DOCK5: variants seen among roughly 807,000 people sequenced by gnomAD.
DOCK5 encodes dedicator of cytokinesis 5.
In DOCK5, 142 loss-of-function variants were observed where a neutral mutation model predicts 251.8. The ratio of observed to expected loss-of-function variants is 0.56; its 90% CI spans 0.49 to 0.65. DOCK5 has a LOEUF of 0.65. Among genes scored for constraint, DOCK5 ranks in the 30% least tolerant of loss-of-function variants. The pLI is 0.00. For missense variants in DOCK5, 2,111 were observed against 2,312.3 expected, an observed-to-expected ratio of 0.91 and a Z score of 1.79; for synonymous variants, 842 against 835.5, an observed-to-expected ratio of 1.01 and a Z score of -0.13.
rs562408564 is a variant in DOCK5, at chr8:25,325,258, G to A, written c.1720-106G>A. 770 of 1,205,564 alleles carry A rather than the reference G, an allele frequency of 6.4e-4. 10 individuals are homozygous for A. The South Asian group carries it at 0.011, about 16-fold the overall frequency. 74.7% of individuals were successfully genotyped at this position (1,205,564 alleles called of 1,614,324 possible). A position where few individuals can be genotyped will look rare whatever the true frequency, so the allele number is the denominator to read the frequency against. On this transcript the variant is annotated intron_variant, in intron 17 of 51. Transcript: ENST00000276440. ...GTGGAAGGGATCTTCAGGATAAATTGATAAGTCCACGCTTCTCATGCTGAA... is the reference window on the plus strand; with the variant it reads ...GTGGAAGGGATCTTCAGGATAAATTAATAAGTCCACGCTTCTCATGCTGAA...
At chr8:25,383,631 G>T (rs1379596487) in intron 40 of DOCK5, among the ~76,000 whole-genome samples, 1 of 152,166 alleles carries the variant, frequency 6.6e-6, no homozygotes, top group East Asian at 1.9e-4. Flanking sequence ...GAGGCAGGCA[G>T]ATCACTTGAC....
chr8:25,408,709 A>G, intron 49 of DOCK5, 93 bp from the exon 50 acceptor site: 1 of 1,482,412 alleles, frequency 6.7e-7, no homozygotes, highest in Non-Finnish European at 9.2e-7. Context: ...GTCCTTTTCC[A>G]AGTGTCTTCT....
rs560592195 is a variant in DOCK5, at chr8:25,230,438, C to T, written c.44-13236C>T. Among the ~76,000 whole-genome samples, 168 of 152,298 alleles carry T rather than the reference C, an allele frequency of 1.1e-3. 1 individual carries two copies. The highest frequency in any genetic ancestry group is 3.7e-3 in the African/African-American group (154 of 41,566). Reference sequence around the variant, plus strand: ...ATACCTATATGTAGGTTTGTGTTAACGTGCCATCAATTATGTAAACAGGTT... The same window carrying T: ...ATACCTATATGTAGGTTTGTGTTAATGTGCCATCAATTATGTAAACAGGTT... On this transcript the variant is annotated intron_variant, in intron 1 of 51. Transcript: ENST00000276440.
chr8:25,283,864 C>T, intron 5 of DOCK5, among the ~76,000 whole-genome samples: 1 of 152,014 alleles, frequency 6.6e-6, no homozygotes, highest in East Asian at 1.9e-4. Flanking sequence ...ATGGTCTTTC[C>T]CTATACTGCT....
intron 5 of DOCK5, among the ~76,000 whole-genome samples, chr8:25,288,555 C>T (rs572636256): frequency 2.0e-5 from 3 of 152,210 alleles, no homozygotes; most frequent in Non-Finnish European, 4.4e-5. Flanking sequence ...AAACAAAGCA[C>T]TGTGTCACAC....
rs1389237883 is a variant in DOCK5, at chr8:25,389,037, T to C, written c.4132-54T>C. The C allele has an allele frequency of 3.8e-6, 6 of 1,577,340 alleles. No homozygotes were observed. In the Admixed American group the frequency reaches 1.0e-4, roughly 27 times the overall value. Reference sequence around the variant, plus strand: ...GCTACCTCAGTACCCGGAACTCCAGTTGCCTCTCCACTCTTCCTATGTAAT... The same window carrying C: ...GCTACCTCAGTACCCGGAACTCCAGCTGCCTCTCCACTCTTCCTATGTAAT... On this transcript the variant is annotated intron_variant, in intron 40 of 51. Transcript: ENST00000276440.
rs547499147 is a variant in DOCK5 at position 25,220,981 on chromosome 8, G to T, written c.44-22693G>T. Among the ~76,000 whole-genome samples the T allele has an allele frequency of 5.9e-5, 9 of 152,224 alleles. No homozygotes were observed. The East Asian group carries it at 1.7e-3, about 30-fold the overall frequency. ...GAAGGGATTGTTATCTGGACCTGTG[G>T]AGGGGGTGGGTAGGGATGGTGGTTA... On this transcript the variant is annotated intron_variant, in intron 1 of 51. Transcript: ENST00000276440.
intron 25 of DOCK5, among the ~76,000 whole-genome samples, chr8:25,345,154 C>A (rs981062396): frequency 8.6e-5 from 13 of 151,922 alleles, no homozygotes; most frequent in African/African-American, 2.9e-4. Context: ...TCATATGACC[C>A]TCAATTTCGT....
intron 16 of DOCK5, among the ~76,000 whole-genome samples, chr8:25,321,369 G>A (rs969902630): frequency 2.6e-5 from 4 of 152,208 alleles, no homozygotes; most frequent in Non-Finnish European, 5.9e-5. Context: ...GGGGTGGGGT[G>A]ATGGTTTCAG....
intron 35 of DOCK5, among the ~76,000 whole-genome samples, chr8:25,373,146 C>T (rs904152562): frequency 4.6e-5 from 7 of 151,780 alleles, no homozygotes; most frequent in East Asian, 3.9e-4. Context: ...ATTACAGGCA[C>T]GCGCCACCAT....
intron 1 of DOCK5, among the ~76,000 whole-genome samples, chr8:25,222,999 T>C (rs1802432904): frequency 6.6e-6 from 1 of 152,112 alleles, no homozygotes; most frequent in Non-Finnish European, 1.5e-5. Context: ...CCATGGAAAG[T>C]CCTGGAACCG....
chr8:25,349,544 T>A (rs1355718255), intron 26 of DOCK5, among the ~76,000 whole-genome samples: 1 of 152,208 alleles, frequency 6.6e-6, no homozygotes, highest in East Asian at 1.9e-4. Context: ...AATGAGTGGA[T>A]AAAGTGTGGT....
At chr8:25,260,295 C>T (rs1483351191) in intron 2 of DOCK5, among the ~76,000 whole-genome samples, 1 of 152,130 alleles carries the variant, frequency 6.6e-6, no homozygotes, top group Non-Finnish European at 1.5e-5. Context: ...ACCAGACCAG[C>T]AACACTTAAA....
chr8:25,387,597 T>C (rs1801187103), intron 40 of DOCK5, among the ~76,000 whole-genome samples: 1 of 152,230 alleles, frequency 6.6e-6, no homozygotes, highest in African/African-American at 2.4e-5. Context: ...TCTTTCATCA[T>C]GCATCTCCTG....
At chr8:25,311,116 A>G (rs979354940) in intron 13 of DOCK5, among the ~76,000 whole-genome samples, 4 of 152,186 alleles carry the variant, frequency 2.6e-5, no homozygotes, top group African/African-American at 7.2e-5. Context: ...TGATCTGCAT[A>G]TGTGTGTGTT....
At chr8:25,253,769 G>A (rs1803338327) in intron 2 of DOCK5, among the ~76,000 whole-genome samples, 1 of 152,206 alleles carries the variant, frequency 6.6e-6, no homozygotes, top group Non-Finnish European at 1.5e-5. Context: ...ATAAATGGAA[G>A]CTATCCCATG....
rs750439427 is a variant in DOCK5 at position 25,310,540 on chromosome 8, C to T, written c.1318+8C>T. On this transcript the variant is annotated splice_region_variant and intron_variant, in intron 13 of 51. Coordinates refer to ENST00000276440, the MANE Select transcript of DOCK5 (RefSeq NM_024940.8). ...CTGAAATCATACTGCCAGGTAAGCACTTTGCATGGCTCACCTGTTTGCTTC... is the reference window on the plus strand; with the variant it reads ...CTGAAATCATACTGCCAGGTAAGCATTTTGCATGGCTCACCTGTTTGCTTC... 2 of 1,602,398 alleles carry T rather than the reference C, an allele frequency of 1.2e-6. No homozygotes were observed. Among genetic ancestry groups the T allele is most frequent in the Non-Finnish European group, 1.7e-6 (2 of 1,174,270 alleles).
At chr8:25,384,026 G>A (rs1183033565) in intron 40 of DOCK5, among the ~76,000 whole-genome samples, 8 of 152,188 alleles carry the variant, frequency 5.3e-5, no homozygotes, top group African/African-American at 1.7e-4. Context: ...TCCAATCCAC[G>A]TGTCCCTGAA....
At chr8:25,196,422 C>T (rs17053182) in intron 1 of DOCK5, among the ~76,000 whole-genome samples, 21,817 of 152,080 alleles carry the variant, frequency 0.14, 2,542 homozygotes, top group African/African-American at 0.33. Context: ...AGATTCCTTA[C>T]AAAAAGAGCA....
Sources: allele counts gnomAD v4.1 joint callset (sites outside exome capture counted in the v4.1 genomes callset), GRCh38; gene constraint gnomAD v4.1.1; transcripts MANE v1.5; gene names NCBI Gene and HGNC (gene_info 2026-07-23, HGNC 2026-07-21).